Variants in PTPN14 observed in about 807,000 individuals in gnomAD.
The protein encoded by PTPN14 is protein tyrosine phosphatase non-receptor type 14.
PTPN14 carries 53 observed loss-of-function variants against 126.8 expected under a neutral mutation model. The observed-to-expected ratio is 0.42, with a 90% CI of 0.34 to 0.53. The LOEUF is 0.53. Among genes scored for constraint, PTPN14 ranks in the 20% least tolerant of loss-of-function variants. The pLI is 0.08. For missense variants in PTPN14, 1,257 were observed against 1,552.9 expected, an observed-to-expected ratio of 0.81 and a Z score of 3.20; for synonymous variants, 630 against 599.3, an observed-to-expected ratio of 1.05 and a Z score of -0.75.
chr1:214,361,970 A>T (rs1005161565), intron 18 of PTPN14, among the ~76,000 whole-genome samples: 1 of 152,234 alleles, frequency 6.6e-6, no homozygotes, highest in Non-Finnish European at 1.5e-5. Flanking sequence ...AAGAAAGGCC[A>T]TTTCATTGAC....
In PTPN14 at chr1:214,364,739, G is replaced by C. The variant is rs966339249; in HGVS notation, c.3272-64C>G. 1.3e-6 allele frequency: 2 copies of C among 1,534,596 alleles called. No individual in the cohort carries two copies. Among genetic ancestry groups the C allele is most frequent in the South Asian group, 1.2e-5 (1 of 81,830 alleles). On this transcript the variant is annotated intron_variant, in intron 17 of 18. Coordinates refer to ENST00000366956, the MANE Select transcript of PTPN14 (RefSeq NM_005401.5). This position sits in a 1 kb window ranked among gnomAD's most constrained non-coding sequence, Gnocchi z 4.1. ...CATGGCTTCGCATGTAAGTTGGGGA[G>C]GGGGGAGCGGAAGAGAACTGATGGT...
chr1:214,515,582 A>T (rs1022149994), intron 1 of PTPN14, among the ~76,000 whole-genome samples: 9 of 152,168 alleles, frequency 5.9e-5, no homozygotes, highest in Non-Finnish European at 1.5e-5. Flanking sequence ...AACAGCTTCC[A>T]ATTCATAAGT....
At position 214,464,937 on chromosome 1, in the gene PTPN14, G is replaced by T. The variant is rs780217148; in HGVS notation, c.-134C>A. ...GCAGGGAAAAGGGTGTCCATGCCCA[G>T]TGTGGCCCTCTGGAAGATAGCTGTA... On this transcript the variant is annotated 5_prime_UTR_variant, in exon 2 of 19. In the 5' UTR this introduces an upstream ATG that the reference lacks. Transcript: ENST00000366956. The T allele has an allele frequency of 1.0e-5, 11 of 1,092,196 alleles. No homozygotes were observed. Among genetic ancestry groups the T allele is most frequent in the Non-Finnish European group, 1.3e-5 (10 of 775,568 alleles). 67.7% of individuals were successfully genotyped at this position (1,092,196 alleles called of 1,614,324 possible).
rs761907664 is a variant in PTPN14, at chr1:214,364,726, T to C, written c.3272-51A>G. 1.3e-6 allele frequency: 2 copies of C among 1,570,492 alleles called. No individual in the cohort carries two copies. Among genetic ancestry groups the C allele is most frequent in the East Asian group, 2.3e-5 (1 of 43,470 alleles). ...CACCAAAGTCCTCCATGGCTTCGCATGTAAGTTGGGGAGGGGGGAGCGGAA... is the reference window on the plus strand; with the variant it reads ...CACCAAAGTCCTCCATGGCTTCGCACGTAAGTTGGGGAGGGGGGAGCGGAA... On this transcript the variant is annotated intron_variant, in intron 17 of 18. Transcript: ENST00000366956. This position sits in a 1 kb window ranked among gnomAD's most constrained non-coding sequence, Gnocchi z 4.1.
chr1:214,496,004 A>G (rs866914095), intron 1 of PTPN14, among the ~76,000 whole-genome samples: 1 of 152,002 alleles, frequency 6.6e-6, no homozygotes, highest in South Asian at 2.1e-4. Context: ...CTCATGTGTT[A>G]TTTTAATACA....
intron 1 of PTPN14, among the ~76,000 whole-genome samples, chr1:214,513,578 C>T (rs994445803): frequency 1.2e-4 from 18 of 152,170 alleles, no homozygotes; most frequent in African/African-American, 3.6e-4. Context: ...CTGTGTGCTA[C>T]GGGTGTGCTT....
chr1:214,459,724 C>T (rs1335778900), intron 2 of PTPN14, among the ~76,000 whole-genome samples: 2 of 152,138 alleles, frequency 1.3e-5, no homozygotes, highest in Non-Finnish European at 2.9e-5. Context: ...GCCTCGGCCT[C>T]CCAAAGTGCT....
At chr1:214,541,866 T>C (rs966516099) in intron 1 of PTPN14, among the ~76,000 whole-genome samples, 4 of 152,228 alleles carry the variant, frequency 2.6e-5, no homozygotes, top group African/African-American at 9.6e-5. Flanking sequence ...ACTTTCTGTT[T>C]ACATTTTTAA....
intron 16 of PTPN14, 81 bp from the exon 17 acceptor site, chr1:214,369,772 G>A: frequency 7.7e-7 from 1 of 1,297,824 alleles, no homozygotes; most frequent in Non-Finnish European, 1.1e-6. Context: ...GAAGACAGAA[G>A]AAAATGCAAA....
At chr1:214,381,521 T>C (rs1282483575) in intron 13 of PTPN14, among the ~76,000 whole-genome samples, 1 of 152,248 alleles carries the variant, frequency 6.6e-6, no homozygotes, top group Non-Finnish European at 1.5e-5. Flanking sequence ...CATATCTGTA[T>C]AAAAATCTCT....
intron 1 of PTPN14, among the ~76,000 whole-genome samples, chr1:214,487,226 CAGGAATTAAAGT>C (rs1558125549): frequency 3.6e-4 from 2 of 5,618 alleles, no homozygotes; most frequent in African/African-American, 4.8e-3. Flanking sequence ...GAAGGAAAGA[CAGGAATTAAAGT>C]GAAAGACAGG....
At chr1:214,505,465 G>A (rs1654817670) in intron 1 of PTPN14, among the ~76,000 whole-genome samples, 2 of 152,174 alleles carry the variant, frequency 1.3e-5, no homozygotes, top group Admixed American at 1.3e-4. Context: ...GGGGTGGGGT[G>A]GTCAGTGCCC....
At chr1:214,522,934 C>T (rs949013837) in intron 1 of PTPN14, among the ~76,000 whole-genome samples, 1 of 152,108 alleles carries the variant, frequency 6.6e-6, no homozygotes, top group Non-Finnish European at 1.5e-5. Flanking sequence ...GGCAGTCACT[C>T]GGCCTATTCA....
Position 214,384,840 on chromosome 1 carries a change from C to A in PTPN14, c.1067-52G>T, listed in dbSNP as rs776502307. 1.2e-5 allele frequency: 19 copies of A among 1,566,480 alleles called. No homozygotes were observed. The highest frequency in any genetic ancestry group is 1.1e-4 in the Admixed American group (6 of 55,878). ...GAACCTCCAAGCCATCCTGCCACAA[C>A]AAAGTACATCCTCATACTCATGAGG... On this transcript the variant is annotated intron_variant, in intron 12 of 18. Transcript: ENST00000366956. The surrounding 1 kb of genome is among the most constrained non-coding windows in gnomAD (Gnocchi z 5.3).
At chr1:214,362,992 A>G (rs1221233682) in intron 18 of PTPN14, among the ~76,000 whole-genome samples, 1 of 152,200 alleles carries the variant, frequency 6.6e-6, no homozygotes, top group East Asian at 1.9e-4. Context: ...CTTCCTAGCA[A>G]TGGATGGATT....
intron 1 of PTPN14, among the ~76,000 whole-genome samples, chr1:214,503,315 T>C (rs1654754761): frequency 6.6e-6 from 1 of 152,200 alleles, no homozygotes; most frequent in Non-Finnish European, 1.5e-5. Context: ...GTATTGAAGA[T>C]GAAGTAGGAA....
chr1:214,466,514 T>C lies in PTPN14; in HGVS notation c.-154-1557A>G, dbSNP rs528089954. ...CCACCAAATGAAAATGATGACATTA[T>C]TGCCATGGACAACACAAGAATAAAA... On this transcript the variant is annotated intron_variant, in intron 1 of 18. Coordinates refer to ENST00000366956, the MANE Select transcript of PTPN14 (RefSeq NM_005401.5). Among the ~76,000 whole-genome samples, 112 of 152,342 alleles carry C rather than the reference T, an allele frequency of 7.4e-4. 2 individuals are homozygous for C. In the South Asian group the frequency reaches 0.02, roughly 27 times the overall value.
intron 1 of PTPN14, among the ~76,000 whole-genome samples, chr1:214,518,029 C>T (rs954072537): frequency 6.6e-6 from 1 of 152,276 alleles, no homozygotes; most frequent in East Asian, 1.9e-4. Context: ...ATAAAATCCT[C>T]CCCAGAAGGA....
chr1:214,417,489 TG>T (rs1164322337), intron 3 of PTPN14, among the ~76,000 whole-genome samples: 1 of 152,060 alleles, frequency 6.6e-6, no homozygotes, highest in Admixed American at 6.5e-5. Flanking sequence ...AAATCAAGTT[TG>T]AAAAAATGCC....
Sources: allele counts gnomAD v4.1 joint callset (sites outside exome capture counted in the v4.1 genomes callset), GRCh38; gene constraint gnomAD v4.1.1; non-coding constraint Gnocchi (gnomAD v3.1); transcripts MANE v1.5; gene names NCBI Gene and HGNC (gene_info 2026-07-23, HGNC 2026-07-21).